Variants in STIM1 observed in about 807,000 individuals in gnomAD.
STIM1 encodes the protein stromal interaction molecule 1.
Under a neutral mutation model 74.7 loss-of-function variants are expected in STIM1, and 25 were observed. The ratio of observed to expected loss-of-function variants is 0.33; its 90% CI spans 0.24 to 0.47. The LOEUF (loss-of-function observed/expected upper bound fraction) is 0.47, where lower values mean the gene tolerates loss of function less well. Among genes scored for constraint, STIM1 ranks in the 20% least tolerant of loss-of-function variants. STIM1 has a pLI of 1.00. For synonymous variants in STIM1, 328 were observed against 348.8 expected, an observed-to-expected ratio of 0.94 and a Z score of 0.66; for missense variants, 728 against 920.8, an observed-to-expected ratio of 0.79 and a Z score of 2.71.
chr11:4,040,545 A>T (rs1048099761), intron 3 of STIM1, among the ~76,000 whole-genome samples: 1 of 152,212 alleles, frequency 6.6e-6, no homozygotes, highest in African/African-American at 2.4e-5. Context: ...CCCTTAGCAC[A>T]CTAAATGCAA....
chr11:3,895,679 C>CTTTTT (rs1290884976), intron 1 of STIM1, among the ~76,000 whole-genome samples: 1 of 47,330 alleles, frequency 2.1e-5, no homozygotes, highest in African/African-American at 1.3e-4. Flanking sequence ...TCTTTCCTTC[C>CTTTTT]TTCCTTCTTT....
At position 4,070,156 on chromosome 11, in the gene STIM1, G is replaced by A. The variant is rs764311095; in HGVS notation, c.744G>A (p.Leu248=). ...ACATGAAGAAGATGATGAAGGACTT[G>A]GAGGGGTTACACCGAGCTGAGCAGA... The part of the protein sequence containing the change: ...KEHMKKMMKD[L]EGLHRAEQSL... The change falls in exon 6 of 13, where the codon TTG becomes TTA. Residue 248 remains leucine (L), a synonymous_variant. Coordinates refer to ENST00000526596, the MANE Select transcript of STIM1 (RefSeq NM_001382567.1). 8 of 1,614,044 alleles carry A rather than the reference G, an allele frequency of 5.0e-6. No homozygotes were observed. The highest frequency in any genetic ancestry group is 1.3e-5 in the African/African-American group (1 of 74,926).
intron 2 of STIM1, among the ~76,000 whole-genome samples, chr11:3,990,442 G>A (rs1450337564): frequency 6.6e-6 from 1 of 152,040 alleles, no homozygotes; most frequent in Non-Finnish European, 1.5e-5. Flanking sequence ...ATTTCTCTTG[G>A]GTACATACAT....
At chr11:4,069,152 A>G (rs1424813564) in intron 5 of STIM1, among the ~76,000 whole-genome samples, 1 of 152,194 alleles carries the variant, frequency 6.6e-6, no homozygotes, top group Non-Finnish European at 1.5e-5. Context: ...TGTGGCACAG[A>G]GCCCAGATCT....
chr11:3,866,914 T>C (rs924544121), intron 1 of STIM1, among the ~76,000 whole-genome samples: 6 of 152,218 alleles, frequency 3.9e-5, no homozygotes, highest in Admixed American at 1.3e-4. Flanking sequence ...TATTTCCTTG[T>C]CTCTTAAGGG....
intron 2 of STIM1, among the ~76,000 whole-genome samples, chr11:3,982,451 A>G (rs944429906): frequency 6.6e-6 from 1 of 152,192 alleles, no homozygotes; most frequent in African/African-American, 2.4e-5. Context: ...TACCCAGCCT[A>G]TGGTCTAGTT....
Position 3,967,587 on chromosome 11 carries a change from G to A in STIM1, c.175G>A (p.Glu59Lys), listed in dbSNP as rs1233864830. The change falls in exon 2 of 13, where the codon GAG becomes AAG. Residue 59 changes from glutamate (E) to lysine (K), a missense_variant. This residue lies in a region of STIM1 where 51 missense variants were observed against 101.1 expected (regional missense o/e 0.50). Transcript: ENST00000526596. ...CRIDKPLCHS[E>K]DEKLSFEAVR... ...AATTGACAAGCCCCTGTGTCACAGT[G>A]AGGATGAGAAACTCAGCTTCGAGGC... 1.2e-6 allele frequency: 2 copies of A among 1,614,086 alleles called. No homozygotes were observed. The highest frequency in any genetic ancestry group is 1.7e-6 in the Non-Finnish European group (2 of 1,180,042).
intron 1 of STIM1, among the ~76,000 whole-genome samples, chr11:3,911,297 G>T (rs571874157): frequency 6.6e-6 from 1 of 152,248 alleles, no homozygotes; most frequent in South Asian, 2.1e-4. Flanking sequence ...TCTCAATCTG[G>T]TGTTCCTGGC....
chr11:3,989,608 T>C (rs1275311584), intron 2 of STIM1: 4 of 410,440 alleles, frequency 9.7e-6, no homozygotes, highest in Non-Finnish European at 1.8e-5. Context: ...AGAACCCTGA[T>C]TTTTACATTT....
At chr11:3,946,842 G>A (rs1239357310) in intron 1 of STIM1, among the ~76,000 whole-genome samples, 2 of 152,156 alleles carry the variant, frequency 1.3e-5, no homozygotes, top group African/African-American at 4.8e-5. Context: ...GAGTTCCAGT[G>A]CTGGCTCTGC....
At chr11:3,899,934 G>A (rs1232592400) in intron 1 of STIM1, among the ~76,000 whole-genome samples, 2 of 151,858 alleles carry the variant, frequency 1.3e-5, no homozygotes, top group Non-Finnish European at 2.9e-5. Context: ...TTTTATTGAG[G>A]ATTTTTGCAT....
chr11:3,919,393 C>T (rs10767707), intron 1 of STIM1, among the ~76,000 whole-genome samples: 81,479 of 151,710 alleles, frequency 0.54, 23,317 homozygotes, highest in African/African-American at 0.76. Flanking sequence ...TTAGTAGAGA[C>T]GGGGTTTCAC....
chr11:3,973,209 A>G, intron 2 of STIM1: 1 of 449,932 alleles, frequency 2.2e-6, no homozygotes, highest in Non-Finnish European at 4.4e-6. Context: ...CATGGCTGCT[A>G]CCAAAGTCAC....
intron 3 of STIM1, among the ~76,000 whole-genome samples, chr11:4,036,856 A>T (rs541099458): frequency 3.2e-4 from 48 of 152,302 alleles, no homozygotes; most frequent in African/African-American, 1.1e-3. Context: ...CCAAAAGCAA[A>T]TGCAACACAA....
intron 2 of STIM1, among the ~76,000 whole-genome samples, chr11:3,993,517 G>A (rs777614383): frequency 1.8e-4 from 27 of 152,154 alleles, no homozygotes; most frequent in Non-Finnish European, 3.2e-4. Flanking sequence ...TTAGCCGGGC[G>A]TGGTGGCATA....
intron 2 of STIM1, among the ~76,000 whole-genome samples, chr11:4,001,191 A>G (rs1045848042): frequency 8.5e-5 from 13 of 152,252 alleles, no homozygotes; most frequent in Admixed American, 2.0e-4. Flanking sequence ...AACTTCCCCA[A>G]TCTAGCAAGG....
chr11:3,941,092 A>G (rs1364283652), intron 1 of STIM1, among the ~76,000 whole-genome samples: 1 of 152,202 alleles, frequency 6.6e-6, no homozygotes, highest in Non-Finnish European at 1.5e-5. Flanking sequence ...TAACAAATAT[A>G]AAGTGCTTAG....
intron 1 of STIM1, among the ~76,000 whole-genome samples, chr11:3,898,728 A>G (rs1281002619): frequency 6.6e-6 from 1 of 151,280 alleles, no homozygotes; most frequent in Non-Finnish European, 1.5e-5. Flanking sequence ...TCAGCTTTCT[A>G]CATATGGCTA....
chr11:3,903,881 G>T (rs907373689), intron 1 of STIM1, among the ~76,000 whole-genome samples: 4 of 152,122 alleles, frequency 2.6e-5, no homozygotes, highest in Non-Finnish European at 5.9e-5. Context: ...TGTCACAAGT[G>T]CTACAATAGA....
Sources: gnomAD v4.1 joint callset for allele counts (sites outside exome capture counted in the v4.1 genomes callset) on GRCh38, gnomAD v4.1.1 for gene constraint, gnomAD v4.1.1 regional missense constraint, MANE v1.5 for transcripts, NCBI Gene and HGNC (gene_info 2026-07-23, HGNC 2026-07-21) for gene names.